Variants in SH3KBP1 observed in about 807,000 individuals in gnomAD.
The protein encoded by SH3KBP1 is SH3 domain containing kinase binding protein 1.
SH3KBP1 carries 8 observed loss-of-function variants against 50.1 expected under a neutral mutation model. The ratio of observed to expected loss-of-function variants is 0.16; its 90% CI spans 0.09 to 0.29. The LOEUF (loss-of-function observed/expected upper bound fraction) is 0.29, where lower values mean the gene tolerates loss of function less well. Among genes scored for constraint, SH3KBP1 ranks in the 10% least tolerant of loss-of-function variants. The probability of loss-of-function intolerance (pLI) is 1.00; values close to 1 mark genes in which losing one functional copy is unlikely to be tolerated. For synonymous variants in SH3KBP1, 227 were observed against 218.6 expected, an observed-to-expected ratio of 1.04 and a Z score of -0.34; for missense variants, 377 against 535.2, an observed-to-expected ratio of 0.70 and a Z score of 2.92.
At chrX:19,687,199 A>C (rs972073000) in intron 5 of SH3KBP1, among the ~76,000 whole-genome samples, 1 of 112,960 alleles carries the variant, frequency 8.9e-6, no homozygotes, top group African/African-American at 3.2e-5. Context: ...CACAATGACA[A>C]AATGGTTTAT....
intron 1 of SH3KBP1, among the ~76,000 whole-genome samples, chrX:19,864,447 C>A (rs2068853909): frequency 9.0e-6 from 1 of 111,611 alleles, no homozygotes. Context: ...TCCAGGTGGA[C>A]CCAATGTACC....
At chrX:19,766,457 T>C (rs192243758) in intron 2 of SH3KBP1, among the ~76,000 whole-genome samples, 1 of 104,593 alleles carries the variant, frequency 9.6e-6, no homozygotes, top group Non-Finnish European at 2.0e-5. Context: ...ATTGTTCAGA[T>C]TGCACTTTGA....
chrX:19,859,152 ATTT>A (rs200300452), intron 1 of SH3KBP1, among the ~76,000 whole-genome samples: 1 of 102,575 alleles, frequency 9.7e-6, no homozygotes, highest in African/African-American at 3.5e-5. Flanking sequence ...TGAAATTACT[ATTT>A]TTTTTTTTTT....
chrX:19,698,883 TTGAA>T (rs770021813), intron 4 of SH3KBP1, among the ~76,000 whole-genome samples: 6,231 of 110,171 alleles, frequency 0.057, 252 homozygotes, highest in African/African-American at 0.13. Flanking sequence ...GCCTCACACA[TTGAA>T]TGAATGAATG....
At chrX:19,806,843 T>C (rs1477861744) in intron 2 of SH3KBP1, among the ~76,000 whole-genome samples, 2 of 112,454 alleles carry the variant, frequency 1.8e-5, no homozygotes, top group Admixed American at 1.9e-4. Flanking sequence ...TACGTGAATT[T>C]TACAACTATG....
intron 4 of SH3KBP1, among the ~76,000 whole-genome samples, chrX:19,706,286 G>A (rs939537750): frequency 9.0e-6 from 1 of 111,334 alleles, no homozygotes; most frequent in African/African-American, 3.3e-5. Flanking sequence ...CATTTCACTA[G>A]CAGGAATAAG....
chrX:19,873,555 C>A (rs779124938), intron 1 of SH3KBP1, among the ~76,000 whole-genome samples: 1 of 105,484 alleles, frequency 9.5e-6, no homozygotes, highest in African/African-American at 3.5e-5. Flanking sequence ...ACCTGTAATC[C>A]CAGCTACTCG....
chrX:19,569,082 G>C, intron 13 of SH3KBP1, 21 bp downstream of exon 13: 1 of 1,183,173 alleles, frequency 8.5e-7, no homozygotes, highest in South Asian at 1.8e-5. Context: ...AAAGAGAAGC[G>C]AGAACACTGT....
intron 11 of SH3KBP1, among the ~76,000 whole-genome samples, chrX:19,591,166 A>G (rs2066738951): frequency 9.0e-6 from 1 of 110,632 alleles, no homozygotes; most frequent in Non-Finnish European, 1.9e-5. Flanking sequence ...CAAATATCAA[A>G]TTTCACAATA....
At chrX:19,812,899 C>T (rs750209699) in intron 2 of SH3KBP1, among the ~76,000 whole-genome samples, 2 of 110,262 alleles carry the variant, frequency 1.8e-5, no homozygotes, top group South Asian at 3.8e-4. Flanking sequence ...CGCTTGAGCC[C>T]GGGAGGCGGA....
At chrX:19,585,690 C>CCAGCAGCAGCAGCAG (rs760758680) in intron 12 of SH3KBP1, among the ~76,000 whole-genome samples, 9 of 108,746 alleles carry the variant, frequency 8.3e-5, no homozygotes, top group South Asian at 3.9e-4. Flanking sequence ...ACCACCACTA[C>CCAGCAGCAGCAGCAG]CAGCAGCAGC....
rs2066649722 is a variant in SH3KBP1 at position 19,588,762 on chromosome X, G to C, written c.1179C>G (p.Pro393=). 5 of 1,181,608 alleles carry C rather than the reference G, an allele frequency of 4.2e-6. No homozygotes were observed. The East Asian group carries it at 1.5e-4, about 35-fold the overall frequency. The change falls in exon 12 of 18, where the codon CCC becomes CCG. Residue 393 remains proline, a synonymous_variant. Transcript: ENST00000397821. ...EREPKLDLQK[P]SVPAIPPKKP... is the part of the protein sequence containing the mutation. ...TTTTTGGCGGTATGGCAGGAACGGA[G>C]GGCTTCTGTAAATCCAGTTTTGGCT...
intron 2 of SH3KBP1, among the ~76,000 whole-genome samples, chrX:19,777,220 C>T (rs2147091706): frequency 9.0e-6 from 1 of 111,683 alleles, no homozygotes; most frequent in Non-Finnish European, 1.9e-5. Context: ...CTGGCCAGGG[C>T]TGTGTGCTAC....
intron 13 of SH3KBP1, among the ~76,000 whole-genome samples, chrX:19,553,211 T>C (rs1448283569): frequency 9.0e-6 from 1 of 110,999 alleles, no homozygotes; most frequent in Middle Eastern, 4.2e-3. Context: ...AGGATGGACT[T>C]GGTAAGTCCA....
At chrX:19,860,922 A>T (rs1031803143) in intron 1 of SH3KBP1, among the ~76,000 whole-genome samples, 4 of 111,796 alleles carry the variant, frequency 3.6e-5, no homozygotes, top group Admixed American at 9.5e-5. Context: ...GCATTTAGAT[A>T]TATAGTATGA....
intron 6 of SH3KBP1, among the ~76,000 whole-genome samples, chrX:19,672,429 C>T (rs1478571817): frequency 8.9e-6 from 1 of 111,830 alleles, no homozygotes; most frequent in African/African-American, 3.3e-5. Context: ...CTGACTAACA[C>T]CTACGTCAGC....
rs757951706 is a variant in SH3KBP1, at chrX:19,787,748, T to C, written c.163-41307A>G. On this transcript the variant is annotated intron_variant, in intron 2 of 17. Coordinates refer to ENST00000397821, the MANE Select transcript of SH3KBP1 (RefSeq NM_031892.3). ...CTCAGCATAATTCTCAATCACATTT[T>C]AATTTTACTCTGCAATCTATTTCAC... Among the ~76,000 whole-genome samples, 13 of 111,828 alleles carry C rather than the reference T, an allele frequency of 1.2e-4. No individual in the cohort carries two copies. The South Asian group carries it at 4.9e-3, about 42-fold the overall frequency.
At chrX:19,641,478 T>C (rs2061854585) in intron 7 of SH3KBP1, among the ~76,000 whole-genome samples, 2 of 112,411 alleles carry the variant, frequency 1.8e-5, no homozygotes, top group Non-Finnish European at 1.9e-5. Flanking sequence ...TCTGTAGAGA[T>C]GCATTATGTG....
chrX:19,577,918 T>C (rs952816328), intron 12 of SH3KBP1, among the ~76,000 whole-genome samples: 1 of 110,554 alleles, frequency 9.0e-6, no homozygotes, highest in African/African-American at 3.3e-5. Flanking sequence ...GTACGAGTGT[T>C]TGGGCTTCAA....
Sources: gnomAD v4.1 joint callset for allele counts (sites outside exome capture counted in the v4.1 genomes callset) on GRCh38, gnomAD v4.1.1 for gene constraint, MANE v1.5 for transcripts, NCBI Gene and HGNC (gene_info 2026-07-23, HGNC 2026-07-21) for gene names.